The following ANKRD45 variants were observed in gnomAD, a reference collection of about 807,000 sequenced individuals.
The protein encoded by ANKRD45 is ankyrin repeat domain 45.
ANKRD45 carries 21 observed loss-of-function variants against 28.1 expected under a neutral mutation model. That is an observed-to-expected ratio of 0.75 (90% CI 0.53 to 1.08). ANKRD45 has a LOEUF of 1.08. ANKRD45 is among the 50% of genes least tolerant of loss of function. ANKRD45 has a pLI of 0.00. For missense variants in ANKRD45, 261 were observed against 308.7 expected (o/e 0.85, Z 1.16); for synonymous variants, 86 against 103.9 (o/e 0.83, Z 1.05).
At position 173,646,827 on chromosome 1, in the gene ANKRD45, C is replaced by T; in HGVS notation, c.496+19G>A. 1.2e-6 allele frequency: 2 copies of T among 1,609,886 alleles called. No homozygotes were observed. The highest frequency in any genetic ancestry group is 8.5e-7 in the Non-Finnish European group (1 of 1,177,030). Reference sequence around the variant, plus strand: ...TCATCACATCAGTCAGTTTGCTAACCCCTTGTGAGCTTCCTTACCTGCCCA... The same window carrying T: ...TCATCACATCAGTCAGTTTGCTAACTCCTTGTGAGCTTCCTTACCTGCCCA... On this transcript the variant is annotated intron_variant, in intron 3 of 5. Transcript: ENST00000333279.
the ANKRD45 span, among the ~76,000 whole-genome samples, chr1:173,696,190 T>C: frequency 6.6e-6 from 1 of 152,166 alleles, no homozygotes; most frequent in Non-Finnish European, 1.5e-5. Context: ...AAAATTTCTC[T>C]CTTTTGTACT....
chr1:173,676,680 G>A, the ANKRD45 span, among the ~76,000 whole-genome samples: 1 of 151,632 alleles, frequency 6.6e-6, no homozygotes, highest in Admixed American at 6.6e-5. Context: ...AAAAGTTTTA[G>A]GGCAGCCATA....
At chr1:173,630,561 C>T (rs1435823211) in intron 3 of ANKRD45, among the ~76,000 whole-genome samples, 1 of 150,504 alleles carries the variant, frequency 6.6e-6, no homozygotes, top group Non-Finnish European at 1.5e-5. Context: ...AAAAAACATA[C>T]AACAAAGCTG....
At chr1:173,667,703 T>A (rs550784219) in intron 1 of ANKRD45, 50 of 431,240 alleles carry the variant, frequency 1.2e-4, no homozygotes, top group African/African-American at 9.3e-4. Context: ...TGAGACCCCA[T>A]CTTAAAAAAA....
the ANKRD45 span, among the ~76,000 whole-genome samples, chr1:173,706,559 G>A: frequency 2.6e-5 from 4 of 151,682 alleles, no homozygotes; most frequent in East Asian, 2.0e-4. Flanking sequence ...GGCTGGTCTC[G>A]AACTCCTGAC....
intron 3 of ANKRD45, among the ~76,000 whole-genome samples, chr1:173,642,441 AAG>A (rs746482660): frequency 4.6e-5 from 7 of 152,326 alleles, no homozygotes; most frequent in Middle Eastern, 3.4e-3. Flanking sequence ...TATAAAATAA[AAG>A]AGGGGGGAAT....
chr1:173,638,765 T>C (rs1363788822), intron 3 of ANKRD45, among the ~76,000 whole-genome samples: 1 of 152,156 alleles, frequency 6.6e-6, no homozygotes, highest in African/African-American at 2.4e-5. Context: ...AATATAAGGC[T>C]ATTTTGCTAG....
intron 3 of ANKRD45, among the ~76,000 whole-genome samples, chr1:173,629,823 A>G (rs1243249583): frequency 6.6e-6 from 1 of 152,206 alleles, no homozygotes; most frequent in African/African-American, 2.4e-5. Context: ...AAGATTATAG[A>G]ACACCAAGCA....
At chr1:173,637,838 T>C (rs751224124) in intron 3 of ANKRD45, among the ~76,000 whole-genome samples, 7 of 152,228 alleles carry the variant, frequency 4.6e-5, no homozygotes, top group Non-Finnish European at 7.3e-5. Flanking sequence ...TGGTGGCCCG[T>C]AGGGGATTAA....
chr1:173,650,034 T>C (rs1348958114), intron 2 of ANKRD45, among the ~76,000 whole-genome samples: 2 of 152,208 alleles, frequency 1.3e-5, no homozygotes, highest in Non-Finnish European at 2.9e-5. Flanking sequence ...TTGAGACATA[T>C]ATACATTTCG....
the ANKRD45 span, among the ~76,000 whole-genome samples, chr1:173,711,384 A>C: frequency 6.6e-6 from 1 of 152,234 alleles, no homozygotes; most frequent in Admixed American, 6.5e-5. Flanking sequence ...TGTAAGATGA[A>C]CTTTGGTTCC....
At chr1:173,652,081 C>T (rs970935684) in intron 2 of ANKRD45, among the ~76,000 whole-genome samples, 1 of 152,056 alleles carries the variant, frequency 6.6e-6, no homozygotes, top group East Asian at 1.9e-4. Flanking sequence ...ATTGAATACC[C>T]TTTATTTCCT....
chr1:173,620,901 G>A lies in ANKRD45; in HGVS notation c.730+3886C>T, dbSNP rs368155121. ...TTTTTGGAAAAAAATTAATAAAATA[G>A]ATAGACCACTAGCCAAATTAATAAA... On this transcript the variant is annotated intron_variant, in intron 5 of 5. Transcript: ENST00000333279. 1.6e-4 allele frequency among the ~76,000 whole-genome samples: 24 copies of A among 152,044 alleles called. 1 individual carries two copies. In the South Asian group the frequency reaches 4.8e-3, roughly 30 times the overall value.
intron 3 of ANKRD45, among the ~76,000 whole-genome samples, chr1:173,645,332 C>T (rs1400748133): frequency 1.3e-5 from 2 of 152,140 alleles, no homozygotes; most frequent in African/African-American, 4.8e-5. Flanking sequence ...CACTTTCATC[C>T]TCTTCCTCTT....
chr1:173,708,646 A>AAC, the ANKRD45 span, among the ~76,000 whole-genome samples: 15 of 152,358 alleles, frequency 9.8e-5, 1 homozygote, highest in South Asian at 3.1e-3. Flanking sequence ...GGGCACTGTT[A>AAC]TCTTTATGAA....
intron 3 of ANKRD45, among the ~76,000 whole-genome samples, chr1:173,630,079 C>T (rs1668122613): frequency 6.6e-6 from 1 of 152,162 alleles, no homozygotes; most frequent in Non-Finnish European, 1.5e-5. Flanking sequence ...ATCCTTCAAA[C>T]ACATCAGAGA....
intron 1 of ANKRD45, among the ~76,000 whole-genome samples, chr1:173,665,185 C>A (rs549543285): frequency 2.7e-4 from 41 of 152,006 alleles, no homozygotes; most frequent in East Asian, 1.7e-3. Flanking sequence ...ACAACAACAA[C>A]AAAAAACTAG....
the ANKRD45 span, among the ~76,000 whole-genome samples, chr1:173,701,359 C>G: frequency 1.3e-5 from 2 of 152,180 alleles, no homozygotes; most frequent in East Asian, 3.8e-4. Context: ...ACTATAAAGA[C>G]ACATGTATAC....
intron 2 of ANKRD45, among the ~76,000 whole-genome samples, chr1:173,651,241 C>G (rs1669203045): frequency 6.6e-6 from 1 of 152,156 alleles, no homozygotes; most frequent in Non-Finnish European, 1.5e-5. Flanking sequence ...ACATTTAAAT[C>G]TTTAATCCAT....
Sources: gnomAD v4.1 joint callset for allele counts (sites outside exome capture counted in the v4.1 genomes callset) on GRCh38, gnomAD v4.1.1 for gene constraint, MANE v1.5 for transcripts, NCBI Gene and HGNC (gene_info 2026-07-23, HGNC 2026-07-21) for gene names.